The following ARHGEF11 variants were observed in gnomAD, a reference collection of about 807,000 sequenced individuals.
The protein encoded by ARHGEF11 is Rho guanine nucleotide exchange factor 11, also known as Rho guanine exchange factor (GEF) 11.
In ARHGEF11, 55 loss-of-function variants were observed where a neutral mutation model predicts 193.7. The ratio of observed to expected loss-of-function variants is 0.28; its 90% CI spans 0.23 to 0.36. The LOEUF is 0.36. ARHGEF11 is among the 10% of genes least tolerant of loss of function. The pLI is 1.00. For missense variants in ARHGEF11, 1,723 were observed against 2,005.6 expected, an observed-to-expected ratio of 0.86 and a Z score of 2.69; for synonymous variants, 693 against 768.0, an observed-to-expected ratio of 0.90 and a Z score of 1.62.
intron 18 of ARHGEF11, 92 bp downstream of exon 18, chr1:156,957,700 T>C (rs1660166401): frequency 7.4e-6 from 10 of 1,356,284 alleles, no homozygotes; most frequent in Admixed American, 1.7e-5. Context: ...CATGAGGGAC[T>C]CCCCTGTGAT....
intron 29 of ARHGEF11, 179 bp from the exon 30 acceptor site, chr1:156,945,376 G>T: frequency 1.6e-6 from 1 of 622,556 alleles, no homozygotes; most frequent in Non-Finnish European, 2.8e-6. Context: ...AACTTTTACT[G>T]AGCATCTTCA....
At position 156,945,050 on chromosome 1, in the gene ARHGEF11, C is replaced by T. The variant is rs1160686108; in HGVS notation, c.2960G>A (p.Arg987Lys). ...QKRLDATALE[R>K]ASNPLAAEFK... ...CTCTGCTGCCAGGGGGTTGCTGGCCCTCTCCAGGGCGGTGGCATCCAGGCG... is the reference window on the plus strand; with the variant it reads ...CTCTGCTGCCAGGGGGTTGCTGGCCTTCTCCAGGGCGGTGGCATCCAGGCG... Residue 987 changes from arginine (R) to lysine (K), a missense_variant, in exon 30 of 41, where the codon AGG becomes AAG. Coordinates refer to ENST00000368194, the MANE Select transcript of ARHGEF11 (RefSeq NM_198236.3). 3 of 1,614,110 alleles carry T rather than the reference C, an allele frequency of 1.9e-6. No individual in the cohort carries two copies. The highest frequency in any genetic ancestry group is 2.2e-5 in the East Asian group (1 of 44,884).
chr1:156,951,554 C>T lies in ARHGEF11; in HGVS notation c.1925+19G>A. The T allele has an allele frequency of 1.9e-6, 3 of 1,613,222 alleles. No individual in the cohort carries two copies. The highest frequency in any genetic ancestry group is 2.5e-6 in the Non-Finnish European group (3 of 1,179,762). ...CCCACTCTTCGAGCAGCTGGCGAGT[C>T]CCATCCAGCCAGTGCTACCTGTCAC... On this transcript the variant is annotated intron_variant, in intron 22 of 40. Coordinates refer to ENST00000368194, the MANE Select transcript of ARHGEF11 (RefSeq NM_198236.3).
chr1:156,940,052 G>C (rs1283663115), intron 36 of ARHGEF11, 142 bp from the exon 37 acceptor site: 3 of 1,423,888 alleles, frequency 2.1e-6, no homozygotes, highest in Admixed American at 2.5e-5. Context: ...AGCTGGTGGG[G>C]GTTGGGTGGG....
intron 1 of ARHGEF11, among the ~76,000 whole-genome samples, chr1:156,990,628 G>A (rs867000343): frequency 1.3e-5 from 2 of 152,016 alleles, no homozygotes; most frequent in African/African-American, 2.4e-5. Flanking sequence ...TCCCTTTTCT[G>A]GAGTAGTGCT....
intron 1 of ARHGEF11, among the ~76,000 whole-genome samples, chr1:156,997,770 T>G (rs1164586008): frequency 1.3e-5 from 2 of 152,038 alleles, no homozygotes; most frequent in Non-Finnish European, 2.9e-5. Flanking sequence ...ATGTAAAATA[T>G]CTCAATAACT....
intron 1 of ARHGEF11, among the ~76,000 whole-genome samples, chr1:156,986,439 G>A (rs916371098): frequency 1.3e-5 from 2 of 152,122 alleles, no homozygotes; most frequent in Admixed American, 6.6e-5. Flanking sequence ...GGAGTTAGGC[G>A]ACAAAGAGAC....
chr1:157,041,726 T>C (rs1014224086), intron 1 of ARHGEF11, among the ~76,000 whole-genome samples: 1 of 152,212 alleles, frequency 6.6e-6, no homozygotes, highest in African/African-American at 2.4e-5. Flanking sequence ...TGCAAGACAC[T>C]AAGCTAGGCA....
At chr1:157,034,508 G>C (rs969955661) in intron 1 of ARHGEF11, among the ~76,000 whole-genome samples, 1 of 152,238 alleles carries the variant, frequency 6.6e-6, no homozygotes, top group African/African-American at 2.4e-5. Context: ...CACCCAATGA[G>C]AACGAGAGGA....
In ARHGEF11 at chr1:156,935,906, G is replaced by A; in HGVS notation, c.*94C>T. On this transcript the variant is annotated 3_prime_UTR_variant, in exon 41 of 41. Transcript: ENST00000368194. ...TTTCCCTAACTGCCTCCTCCACAGG[G>A]AGGAGTGTTGGGATCCCCCCTACCC... The A allele has an allele frequency of 7.2e-7, 1 of 1,387,498 alleles. No homozygotes were observed. The highest frequency in any genetic ancestry group is 9.8e-7 in the Non-Finnish European group (1 of 1,016,380). The allele number at this position is 1,387,498 out of a possible 1,614,324, so 85.9% of individuals were successfully genotyped here.
Position 156,937,515 on chromosome 1 carries a change from A to T in ARHGEF11, c.4193-19T>A. On this transcript the variant is annotated intron_variant, in intron 38 of 40. Transcript: ENST00000368194. ...CAGTTCCCTGTCCCCACAGTAAGAG[A>T]ATGAGATCAGGAGGCAAACAGAGAA... is the stretch of plus-strand genomic sequence containing the variant. The T allele has an allele frequency of 6.6e-7, 1 of 1,510,812 alleles. No homozygotes were observed. The highest frequency in any genetic ancestry group is 8.8e-7 in the Non-Finnish European group (1 of 1,130,982). 93.6% of individuals were successfully genotyped at this position (1,510,812 alleles called of 1,614,324 possible). A position where few individuals can be genotyped will look rare whatever the true frequency, so the allele number is the denominator to read the frequency against.
chr1:156,969,152 T>C (rs1662159804), intron 10 of ARHGEF11, 130 bp downstream of exon 10: 2 of 721,836 alleles, frequency 2.8e-6, no homozygotes, highest in Admixed American at 2.6e-5. Context: ...ACAGTGATTA[T>C]ATCCTTGGAA....
intron 7 of ARHGEF11, among the ~76,000 whole-genome samples, chr1:156,972,409 C>T (rs192913342): frequency 2.6e-5 from 4 of 152,324 alleles, no homozygotes; most frequent in Admixed American, 2.6e-4. Context: ...AATACATCCT[C>T]ATTGATAAAA....
intron 29 of ARHGEF11, chr1:156,945,429 G>A: frequency 1.9e-6 from 1 of 539,888 alleles, no homozygotes; most frequent in Non-Finnish European, 3.3e-6. Flanking sequence ...GATAGCTCCT[G>A]GGAATCCCTG....
intron 1 of ARHGEF11, among the ~76,000 whole-genome samples, chr1:156,994,047 G>A (rs1177691394): frequency 6.6e-6 from 1 of 152,140 alleles, no homozygotes; most frequent in East Asian, 1.9e-4. Flanking sequence ...TCAGAGGACC[G>A]TAACTTGGAG....
At chr1:157,033,735 C>A (rs1625462) in intron 1 of ARHGEF11, among the ~76,000 whole-genome samples, 150,088 of 152,226 alleles carry the variant, frequency 0.99, 74,030 homozygotes, top group Middle Eastern at 1. Flanking sequence ...AATTCTCACA[C>A]CACCATGCTC....
At chr1:156,949,230 CTGAG>C (rs1658705414) in intron 22 of ARHGEF11, 6 of 407,166 alleles carry the variant, frequency 1.5e-5, no homozygotes, top group Non-Finnish European at 2.0e-5. Flanking sequence ...TGCTTGGCTA[CTGAG>C]TGTCTCTGGG....
chr1:157,038,791 G>C (rs1382043639), intron 1 of ARHGEF11, among the ~76,000 whole-genome samples: 2 of 152,188 alleles, frequency 1.3e-5, no homozygotes, highest in Non-Finnish European at 2.9e-5. Context: ...GACTTTGGGA[G>C]GCCGAGGTGG....
intron 11 of ARHGEF11, 110 bp from the exon 12 acceptor site, chr1:156,963,704 GTC>G (rs1661307726): frequency 2.6e-6 from 4 of 1,510,228 alleles, no homozygotes. Flanking sequence ...AGCCACCCGG[GTC>G]TGGTGAACGT....
Sources: gnomAD v4.1 joint callset for allele counts (sites outside exome capture counted in the v4.1 genomes callset) on GRCh38, gnomAD v4.1.1 for gene constraint, MANE v1.5 for transcripts, NCBI Gene and HGNC (gene_info 2026-07-23, HGNC 2026-07-21) for gene names.